DLC1: variants seen among roughly 807,000 people sequenced by gnomAD.
DLC1 encodes DLC1 Rho GTPase activating protein.
In DLC1, 54 loss-of-function variants were observed where a neutral mutation model predicts 140.3. That is an observed-to-expected ratio of 0.38 (90% confidence interval 0.31 to 0.48). The LOEUF is 0.48. DLC1 is among the 20% of genes least tolerant of loss of function. The pLI, the probability that DLC1 is intolerant of heterozygous loss-of-function variation, is 0.96. For missense variants in DLC1, 2,536 were observed against 1,907.0 expected (o/e 1.33, Z -6.14); for synonymous variants, 986 against 728.1 (o/e 1.35, Z -5.70).
At chr8:13,139,095 C>A (rs1373320949) in intron 5 of DLC1, among the ~76,000 whole-genome samples, 1 of 150,212 alleles carries the variant, frequency 6.7e-6, no homozygotes, top group African/African-American at 2.5e-5. Flanking sequence ...CCAGCCTGGG[C>A]AACACAAGGA....
intron 1 of DLC1, among the ~76,000 whole-genome samples, chr8:13,559,941 G>A (rs1268530257): frequency 2.0e-5 from 3 of 152,148 alleles, no homozygotes; most frequent in Non-Finnish European, 4.4e-5. Flanking sequence ...AAGATGCCCA[G>A]AACCATTCTG....
chr8:13,439,149 T>C (rs1839249508), intron 2 of DLC1, among the ~76,000 whole-genome samples: 1 of 152,062 alleles, frequency 6.6e-6, no homozygotes. Context: ...ACATGGTGAA[T>C]TCCGTCTCTA....
intron 4 of DLC1, among the ~76,000 whole-genome samples, chr8:13,335,868 G>A (rs952775398): frequency 6.6e-6 from 1 of 151,530 alleles, no homozygotes; most frequent in Non-Finnish European, 1.5e-5. Context: ...CCCACACTAA[G>A]TCATGTGTAA....
intron 1 of DLC1, among the ~76,000 whole-genome samples, chr8:13,592,479 T>G (rs1805547355): frequency 6.6e-6 from 1 of 152,118 alleles, no homozygotes; most frequent in Admixed American, 6.6e-5. Context: ...ACTTTTTGCT[T>G]TACGTGTTCT....
intron 16 of DLC1, among the ~76,000 whole-genome samples, chr8:13,087,426 T>C (rs1464994981): frequency 6.6e-6 from 1 of 152,184 alleles, no homozygotes; most frequent in Non-Finnish European, 1.5e-5. Flanking sequence ...ACCAACCAAC[T>C]AACCAGATGC....
chr8:13,435,299 T>C (rs907522542), intron 2 of DLC1, among the ~76,000 whole-genome samples: 1 of 152,110 alleles, frequency 6.6e-6, no homozygotes, highest in African/African-American at 2.4e-5. Context: ...AAAACCTGAA[T>C]GGATGAGGAG....
intron 2 of DLC1, 71 bp from the exon 3 acceptor site, chr8:13,401,690 C>G: frequency 1.3e-6 from 2 of 1,543,660 alleles, no homozygotes; most frequent in South Asian, 1.3e-5. Flanking sequence ...GTTCCCTGTT[C>G]TTCAATGTGA....
At chr8:13,137,988 A>G (rs1054799410) in intron 5 of DLC1, among the ~76,000 whole-genome samples, 3 of 152,192 alleles carry the variant, frequency 2.0e-5, no homozygotes, top group African/African-American at 7.2e-5. Context: ...TAGCATGGAA[A>G]GAAAGATTAC....
intron 5 of DLC1, among the ~76,000 whole-genome samples, chr8:13,198,092 A>AG (rs1563157527): frequency 6.6e-6 from 1 of 152,108 alleles, no homozygotes; most frequent in Non-Finnish European, 1.5e-5. Context: ...CTCAAAAAAA[A>AG]CAAACGAAAA....
chr8:13,554,665 C>G (rs2117365818), intron 1 of DLC1, among the ~76,000 whole-genome samples: 1 of 152,158 alleles, frequency 6.6e-6, no homozygotes, highest in East Asian at 1.9e-4. Flanking sequence ...CAAAATGTCT[C>G]TGAAATATGG....
intron 15 of DLC1, 78 bp from the exon 16 acceptor site, chr8:13,088,782 T>C (rs1371279829): frequency 5.5e-6 from 7 of 1,264,064 alleles, no homozygotes; most frequent in Non-Finnish European, 7.9e-6. Flanking sequence ...TTAGTTAGAC[T>C]AACAATTTTA....
chr8:13,484,727 A>G (rs1308710341), intron 2 of DLC1, among the ~76,000 whole-genome samples: 1 of 152,110 alleles, frequency 6.6e-6, no homozygotes, highest in Non-Finnish European at 1.5e-5. Flanking sequence ...AACTAATGGC[A>G]GCAACAGTAG....
At chr8:13,444,110 G>GTT (rs111967843) in intron 2 of DLC1, among the ~76,000 whole-genome samples, 4,110 of 151,756 alleles carry the variant, frequency 0.027, 184 homozygotes, top group African/African-American at 0.094. Context: ...TTCCTGGTTT[G>GTT]TTTTTTTTGT....
chr8:13,212,879 T>C (rs1828014103), intron 5 of DLC1, among the ~76,000 whole-genome samples: 1 of 152,242 alleles, frequency 6.6e-6, no homozygotes, highest in Non-Finnish European at 1.5e-5. Flanking sequence ...TGTTTCTAGC[T>C]TAAGCTTTCA....
At chr8:13,284,766 C>G (rs575705433) in intron 5 of DLC1, among the ~76,000 whole-genome samples, 4 of 151,952 alleles carry the variant, frequency 2.6e-5, no homozygotes, top group African/African-American at 9.7e-5. Context: ...ACAGTTAAAA[C>G]AAGAAAATAC....
At chr8:13,158,304 A>G (rs1428143019) in intron 5 of DLC1, among the ~76,000 whole-genome samples, 2 of 147,194 alleles carry the variant, frequency 1.4e-5, no homozygotes, top group African/African-American at 5.4e-5. Context: ...TCTACATAAT[A>G]AACAAAAGAA....
intron 5 of DLC1, among the ~76,000 whole-genome samples, chr8:13,188,419 C>CAAAAAAAAAAAAAAAAAA (rs1178090798): frequency 1.2e-4 from 7 of 58,982 alleles, no homozygotes; most frequent in Admixed American, 5.1e-4. Flanking sequence ...GACTCCGTCT[C>CAAAAAAAAAAAAAAAAAA]AAAAAAAAAA....
chr8:13,466,422 C>G (rs770501845), intron 2 of DLC1, among the ~76,000 whole-genome samples: 2 of 152,198 alleles, frequency 1.3e-5, no homozygotes, highest in Admixed American at 6.5e-5. Context: ...ACCTAACTCT[C>G]CTCCTGGCCA....
intron 5 of DLC1, among the ~76,000 whole-genome samples, chr8:13,221,524 C>T (rs1327331331): frequency 6.6e-6 from 1 of 151,276 alleles, no homozygotes; most frequent in Non-Finnish European, 1.5e-5. Context: ...GCATGCACCA[C>T]CACGCCCAGC....
Sources: allele counts gnomAD v4.1 joint callset (sites outside exome capture counted in the v4.1 genomes callset), GRCh38; gene constraint gnomAD v4.1.1; transcripts MANE v1.5; gene names NCBI Gene and HGNC (gene_info 2026-07-23, HGNC 2026-07-21).